Variants in NCKAP5 observed in about 807,000 individuals in gnomAD.
The protein encoded by NCKAP5 is NCK associated protein 5.
NCKAP5 carries 92 observed loss-of-function variants against 167.0 expected under a neutral mutation model. The observed-to-expected ratio is 0.55, with a 90% CI of 0.47 to 0.66. The LOEUF is 0.66. Ranked by LOEUF, NCKAP5 falls within the 30% of genes least tolerant of loss-of-function variation. The pLI is 0.00. For synonymous variants in NCKAP5, 891 were observed against 877.4 expected, an observed-to-expected ratio of 1.02 and a Z score of -0.27; for missense variants, 2,378 against 2,315.0, an observed-to-expected ratio of 1.03 and a Z score of -0.56.
rs547906144 is a variant in NCKAP5, at chr2:133,013,986, C to T, written c.342-19747G>A. On this transcript the variant is annotated intron_variant, in intron 6 of 19. Transcript: ENST00000409261. Reference sequence around the variant, plus strand: ...AATCAACAGCTTCCTCTTTCCTTGACCAATGCCTCTATTTCCTGTCCTTGA... The same window carrying T: ...AATCAACAGCTTCCTCTTTCCTTGATCAATGCCTCTATTTCCTGTCCTTGA... 2.0e-5 allele frequency among the ~76,000 whole-genome samples: 3 copies of T among 152,292 alleles called. 1 individual carries two copies. The South Asian group carries it at 6.2e-4, about 32-fold the overall frequency.
intron 8 of NCKAP5, among the ~76,000 whole-genome samples, chr2:132,920,241 C>G (rs1695207301): frequency 6.6e-6 from 1 of 152,050 alleles, no homozygotes; most frequent in Non-Finnish European, 1.5e-5. Context: ...AACTCAGTTT[C>G]ACCATTTCAA....
At chr2:132,677,467 T>C (rs926276854) in intron 19 of NCKAP5, among the ~76,000 whole-genome samples, 17 of 152,182 alleles carry the variant, frequency 1.1e-4, no homozygotes, top group African/African-American at 4.1e-4. Flanking sequence ...TAATCTACTA[T>C]GTGACCAGCT....
chr2:133,296,957 T>C (rs1384280386), intron 4 of NCKAP5, among the ~76,000 whole-genome samples: 11 of 152,234 alleles, frequency 7.2e-5, no homozygotes, highest in Admixed American at 7.2e-4. Context: ...CGCAAATGGA[T>C]AAAGATTTTT....
chr2:133,436,807 G>C (rs1203962504), intron 3 of NCKAP5, among the ~76,000 whole-genome samples: 3 of 152,060 alleles, frequency 2.0e-5, no homozygotes, highest in Non-Finnish European at 4.4e-5. Context: ...GTTAACATGG[G>C]TGCCTACACC....
intron 1 of NCKAP5, among the ~76,000 whole-genome samples, chr2:133,563,553 G>A (rs1254159309): frequency 5.2e-5 from 3 of 57,628 alleles, no homozygotes; most frequent in Admixed American, 6.2e-4. Flanking sequence ...TGGTGACAGA[G>A]AAAGACTCCA....
chr2:132,850,119 T>A (rs180733570), intron 11 of NCKAP5, among the ~76,000 whole-genome samples: 110 of 152,256 alleles, frequency 7.2e-4, no homozygotes, highest in African/African-American at 2.4e-3. Flanking sequence ...CATAAACATG[T>A]TTCTAGGGCA....
At chr2:132,870,398 C>T (rs140777287) in intron 9 of NCKAP5, among the ~76,000 whole-genome samples, 38 of 152,220 alleles carry the variant, frequency 2.5e-4, no homozygotes, top group Admixed American at 5.9e-4. Context: ...CTGAAATTGA[C>T]AGCATGAAAG....
chr2:133,609,608 G>A, the NCKAP5 span, among the ~76,000 whole-genome samples: 1 of 152,072 alleles, frequency 6.6e-6, no homozygotes, highest in Non-Finnish European at 1.5e-5. Flanking sequence ...AGTTGAGCTT[G>A]TGGCCAGTCT....
At chr2:132,941,220 T>C (rs1025595270) in intron 8 of NCKAP5, among the ~76,000 whole-genome samples, 30 of 152,176 alleles carry the variant, frequency 2.0e-4, no homozygotes, top group African/African-American at 7.2e-4. Flanking sequence ...AGAGAATGTA[T>C]TCAGGGAAAG....
chr2:132,698,101 T>C (rs1687519823), intron 19 of NCKAP5, among the ~76,000 whole-genome samples: 1 of 152,208 alleles, frequency 6.6e-6, no homozygotes. Context: ...ACCATGTCTT[T>C]ATGAATTGAC....
rs1054910895 is a variant in NCKAP5 at position 133,042,064 on chromosome 2, TA to T, written c.342-47826del. 1.6e-4 allele frequency among the ~76,000 whole-genome samples: 25 copies of T among 152,322 alleles called. No homozygotes were observed. In the East Asian group the frequency reaches 4.6e-3, roughly 28 times the overall value. ...TTTATGACATACTTGATGATTTGAT[TA>T]ATCATCTGAGGATTAAATATCATCA... is the stretch of plus-strand genomic sequence containing the variant. On this transcript the variant is annotated intron_variant, in intron 6 of 19. Coordinates refer to ENST00000409261, the MANE Select transcript of NCKAP5 (RefSeq NM_207363.3).
In NCKAP5 at chr2:132,781,043, A is replaced by G; in HGVS notation, c.5049+9T>C. 1 of 1,612,478 alleles carries G rather than the reference A, an allele frequency of 6.2e-7. No homozygotes were observed. Among genetic ancestry groups the G allele is most frequent in the Middle Eastern group, 1.7e-4 (1 of 6,048 alleles). On this transcript the variant is annotated intron_variant, in intron 15 of 19. Transcript: ENST00000409261. The stretch of plus-strand genomic sequence containing the variant: ...GTAGCACTTGATACCAGGATGGTGG[A>G]GCACTTACCAGGGAGTCTTTTGGTA...
chr2:133,182,813 AAAGT>A (rs1396552051), intron 5 of NCKAP5, among the ~76,000 whole-genome samples: 2 of 152,188 alleles, frequency 1.3e-5, no homozygotes, highest in Admixed American at 6.5e-5. Flanking sequence ...AAAATAAATG[AAAGT>A]AAGAGCAGAT....
At chr2:132,949,076 C>T (rs1033422812) in intron 8 of NCKAP5, among the ~76,000 whole-genome samples, 2 of 80,844 alleles carry the variant, frequency 2.5e-5, no homozygotes, top group African/African-American at 5.3e-5. Context: ...AAGGACAAGA[C>T]CCACCCCCCA....
chr2:132,672,001 T>C lies in NCKAP5; in HGVS notation c.*1288A>G, dbSNP rs1392484363. 2 of 152,644 alleles carry C rather than the reference T, an allele frequency of 1.3e-5. No individual in the cohort carries two copies. Among genetic ancestry groups the C allele is most frequent in the African/African-American group, 4.8e-5 (2 of 41,450 alleles). The allele number at this position is 152,644 out of a possible 1,614,324, so 9.5% of individuals were successfully genotyped here. A position where few individuals can be genotyped will look rare whatever the true frequency, so the allele number is the denominator to read the frequency against. On this transcript the variant is annotated 3_prime_UTR_variant, in exon 20 of 20. Transcript: ENST00000409261. The stretch of plus-strand genomic sequence containing the variant: ...CATATAGATCCTAAAAATATTTCTA[T>C]TGGGCCTAGTTTACAAGCTCCTGTA...
intron 6 of NCKAP5, among the ~76,000 whole-genome samples, chr2:133,001,137 A>G (rs542759716): frequency 1.3e-5 from 2 of 152,292 alleles, no homozygotes; most frequent in African/African-American, 4.8e-5. Flanking sequence ...AATTTTATCA[A>G]AAAAAGAGAA....
the NCKAP5 span, among the ~76,000 whole-genome samples, chr2:133,645,779 T>C: frequency 1.3e-5 from 2 of 152,126 alleles, no homozygotes; most frequent in East Asian, 1.9e-4. Context: ...TTACAAGCTA[T>C]AATAATCACG....
intron 5 of NCKAP5, among the ~76,000 whole-genome samples, chr2:133,140,725 A>C (rs1203047127): frequency 3.3e-5 from 5 of 149,896 alleles, no homozygotes; most frequent in African/African-American, 1.2e-4. Flanking sequence ...TGACGTATTA[A>C]TCATTATATA....
intron 19 of NCKAP5, among the ~76,000 whole-genome samples, chr2:132,698,806 C>T (rs1211214060): frequency 6.6e-6 from 1 of 151,988 alleles, no homozygotes; most frequent in Non-Finnish European, 1.5e-5. Context: ...TGCACTACAG[C>T]CTGGGTAACA....
Sources: allele counts gnomAD v4.1 joint callset (sites outside exome capture counted in the v4.1 genomes callset), GRCh38; gene constraint gnomAD v4.1.1; transcripts MANE v1.5; gene names NCBI Gene and HGNC (gene_info 2026-07-23, HGNC 2026-07-21).